The following RBFOX1 variants were observed in gnomAD, a reference collection of about 807,000 sequenced individuals.
RBFOX1 encodes RNA binding fox-1 homolog 1.
In RBFOX1, 8 loss-of-function variants were observed where a neutral mutation model predicts 57.7. That is an observed-to-expected ratio of 0.14 (90% CI 0.08 to 0.25). RBFOX1 has a LOEUF of 0.25. Among genes scored for constraint, RBFOX1 ranks in the 10% least tolerant of loss-of-function variants. The pLI is 1.00. For synonymous variants in RBFOX1, 326 were observed against 222.4 expected (o/e 1.47, Z -4.15); for missense variants, 611 against 548.5 (o/e 1.11, Z -1.14).
intron 1 of RBFOX1, among the ~76,000 whole-genome samples, chr16:6,083,053 G>A (rs138797229): frequency 6.6e-6 from 1 of 152,000 alleles, no homozygotes; most frequent in Non-Finnish European, 1.5e-5. Flanking sequence ...CCAGGCTGGA[G>A]TGCAGTGGCA....
chr16:5,779,221 C>T (rs1417717789), intron 3 of RBFOX1, among the ~76,000 whole-genome samples: 2 of 152,104 alleles, frequency 1.3e-5, no homozygotes, highest in Non-Finnish European at 2.9e-5. Flanking sequence ...CAGACCAGAC[C>T]CCTCTGGATC....
At chr16:5,929,124 G>C (rs1349110383) in intron 4 of RBFOX1, among the ~76,000 whole-genome samples, 1 of 151,864 alleles carries the variant, frequency 6.6e-6, no homozygotes, top group Non-Finnish European at 1.5e-5. Context: ...AATTTTGACA[G>C]AGACATTGCT....
At chr16:6,799,200 A>C (rs912849757) in intron 3 of RBFOX1, among the ~76,000 whole-genome samples, 2 of 152,124 alleles carry the variant, frequency 1.3e-5, no homozygotes, top group Admixed American at 6.6e-5. Context: ...GAGGAGAGCC[A>C]GTTTACTAGG....
At chr16:7,329,174 A>G (rs183318991) in intron 4 of RBFOX1, among the ~76,000 whole-genome samples, 36 of 152,182 alleles carry the variant, frequency 2.4e-4, no homozygotes, top group Admixed American at 8.5e-4. Context: ...TGTTTACAGA[A>G]AAACATTTAC....
At chr16:6,403,619 T>C (rs1248788091) in intron 2 of RBFOX1, among the ~76,000 whole-genome samples, 2 of 152,080 alleles carry the variant, frequency 1.3e-5, no homozygotes, top group East Asian at 1.9e-4. Context: ...CCTCCCAAAA[T>C]GCTGGGGTTG....
chr16:5,956,267 C>G (rs573403908), intron 4 of RBFOX1, among the ~76,000 whole-genome samples: 23 of 152,252 alleles, frequency 1.5e-4, no homozygotes, highest in Non-Finnish European at 2.6e-4. Flanking sequence ...TGGAGTGAAA[C>G]TGTTTCAAAA....
At chr16:6,093,744 C>T (rs926814866) in intron 1 of RBFOX1, among the ~76,000 whole-genome samples, 1 of 152,046 alleles carries the variant, frequency 6.6e-6, no homozygotes, top group Admixed American at 6.6e-5. Flanking sequence ...TCCTCAGCCT[C>T]CTAAATAGCT....
rs558606455 is a variant in RBFOX1, at chr16:7,001,033, GA to G, written c.-15-51022del. On this transcript the variant is annotated intron_variant, in intron 3 of 15. Coordinates refer to ENST00000550418, the MANE Select transcript of RBFOX1 (RefSeq NM_018723.4). ...TCACTCCTTTTTCATTTATTAGATA[GA>G]ATACTTGTACAGAGAAAAATCTTTT... 6.6e-5 allele frequency among the ~76,000 whole-genome samples: 10 copies of G among 152,186 alleles called. No individual in the cohort carries two copies. The South Asian group carries it at 2.1e-3, about 32-fold the overall frequency.
At chr16:6,887,124 C>G (rs186542767) in intron 3 of RBFOX1, among the ~76,000 whole-genome samples, 55 of 152,264 alleles carry the variant, frequency 3.6e-4, no homozygotes, top group African/African-American at 1.3e-3. Context: ...TCATGAAGTT[C>G]CTTTACATTG....
chr16:6,567,989 T>G (rs910185332), intron 2 of RBFOX1, among the ~76,000 whole-genome samples: 1 of 152,154 alleles, frequency 6.6e-6, no homozygotes, highest in East Asian at 1.9e-4. Flanking sequence ...CCAGGCTAAT[T>G]ATTTAAATTC....
intron 2 of RBFOX1, among the ~76,000 whole-genome samples, chr16:6,648,855 A>G (rs1205653186): frequency 6.6e-6 from 1 of 152,150 alleles, no homozygotes; most frequent in Non-Finnish European, 1.5e-5. Context: ...CAAAAGTTAT[A>G]TATATTTATC....
chr16:6,806,837 T>TATATATATATATATATATA lies in RBFOX1; in HGVS notation c.-16+152187_-16+152188insATATATATATATATATATA, dbSNP rs1491107829. 3.4e-3 allele frequency among the ~76,000 whole-genome samples: 235 copies of TATATATATATATATATATA among 68,500 alleles called. 2 individuals carry two copies. Among genetic ancestry groups the TATATATATATATATATATA allele is most frequent in the Non-Finnish European group, 5.5e-3 (191 of 34,456 alleles). 44.9% of individuals were successfully genotyped at this position (68,500 alleles called of 152,430 possible). The stretch of plus-strand genomic sequence containing the variant: ...ATATAAATATATATATATATATATA[T>TATATATATATATATATATA]TTTTTTTTTTTTTTGAGAGAAAGTC... On this transcript the variant is annotated intron_variant, in intron 3 of 15. Transcript: ENST00000550418.
intron 2 of RBFOX1, among the ~76,000 whole-genome samples, chr16:6,555,204 G>A (rs1257849330): frequency 1.3e-5 from 2 of 152,100 alleles, no homozygotes; most frequent in Non-Finnish European, 2.9e-5. Context: ...ACCAGAGAAT[G>A]TTCCCTGCAT....
At chr16:6,140,044 C>T (rs188727642) in intron 1 of RBFOX1, among the ~76,000 whole-genome samples, 2 of 152,140 alleles carry the variant, frequency 1.3e-5, no homozygotes, top group African/African-American at 4.8e-5. Flanking sequence ...CTTCTCCCCA[C>T]GTTTTCCCTT....
chr16:6,410,735 C>A (rs11077038), intron 2 of RBFOX1, among the ~76,000 whole-genome samples: 4 of 151,952 alleles, frequency 2.6e-5, no homozygotes, highest in Non-Finnish European at 4.4e-5. Flanking sequence ...TTTGTATTAA[C>A]TTCTAGTGCA....
intron 2 of RBFOX1, among the ~76,000 whole-genome samples, chr16:5,507,087 T>C (rs1735061106): frequency 6.6e-6 from 1 of 152,122 alleles, no homozygotes. Context: ...GTGCAGGCTC[T>C]CTGTGCCTCA....
chr16:5,878,561 C>A (rs2057677954), intron 4 of RBFOX1, among the ~76,000 whole-genome samples: 1 of 152,148 alleles, frequency 6.6e-6, no homozygotes, highest in Non-Finnish European at 1.5e-5. Context: ...CTACGTTGCT[C>A]AACGCAATCT....
chr16:5,606,758 A>G (rs2047595910), intron 3 of RBFOX1, among the ~76,000 whole-genome samples: 1 of 152,146 alleles, frequency 6.6e-6, no homozygotes. Context: ...GAGGTGATAC[A>G]TAGAGTCTTG....
chr16:5,378,243 A>G (rs1325328941), intron 1 of RBFOX1, among the ~76,000 whole-genome samples: 1 of 151,554 alleles, frequency 6.6e-6, no homozygotes, highest in African/African-American at 2.4e-5. Context: ...AGATTGAGGG[A>G]TCTCCTGGGA....
Sources: allele counts gnomAD v4.1 joint callset (sites outside exome capture counted in the v4.1 genomes callset), GRCh38; gene constraint gnomAD v4.1.1; transcripts MANE v1.5; gene names NCBI Gene and HGNC (gene_info 2026-07-23, HGNC 2026-07-21).